CDH13: variants seen among roughly 807,000 people sequenced by gnomAD.
CDH13 encodes cadherin 13.
CDH13 carries 24 observed loss-of-function variants against 63.8 expected under a neutral mutation model. The observed-to-expected ratio is 0.38, with a 90% confidence interval of 0.27 to 0.53. The LOEUF (loss-of-function observed/expected upper bound fraction) is 0.53. CDH13 is among the 20% of genes least tolerant of loss of function. The probability of loss-of-function intolerance (pLI) is 0.85; values close to 1 mark genes in which losing one functional copy is unlikely to be tolerated. For synonymous variants in CDH13, 503 were observed against 355.3 expected (o/e 1.42, Z -4.67); for missense variants, 1,049 against 903.1 (o/e 1.16, Z -2.07).
chr16:83,138,183 T>C (rs375703734), intron 4 of CDH13, among the ~76,000 whole-genome samples: 1 of 152,154 alleles, frequency 6.6e-6, no homozygotes, highest in African/African-American at 2.4e-5. Flanking sequence ...TTGATGCCTC[T>C]TGAGCAGGCA....
intron 3 of CDH13, among the ~76,000 whole-genome samples, chr16:83,091,766 C>G (rs77872890): frequency 0.017 from 2,599 of 152,252 alleles, 75 homozygotes; most frequent in African/African-American, 0.059. Context: ...CATACTATAT[C>G]CCCAGCATCT....
At chr16:82,893,622 G>A (rs9927838) in intron 2 of CDH13, among the ~76,000 whole-genome samples, 1 of 152,208 alleles carries the variant, frequency 6.6e-6, no homozygotes, top group Admixed American at 6.5e-5. Context: ...GGATATGCTT[G>A]CCAGGTCTGG....
chr16:83,733,454 G>A (rs180735079), intron 10 of CDH13, among the ~76,000 whole-genome samples: 15 of 152,252 alleles, frequency 9.9e-5, no homozygotes, highest in South Asian at 2.1e-4. Flanking sequence ...GGGAGGTCCC[G>A]TCATCACCTA....
chr16:82,795,115 A>G (rs2036518949), intron 1 of CDH13, among the ~76,000 whole-genome samples: 1 of 152,180 alleles, frequency 6.6e-6, no homozygotes, highest in South Asian at 2.1e-4. Flanking sequence ...TTCACCAGAT[A>G]GTGTGGGAAG....
At chr16:83,147,312 CT>C (rs1320046100) in intron 4 of CDH13, among the ~76,000 whole-genome samples, 14 of 152,306 alleles carry the variant, frequency 9.2e-5, no homozygotes, top group Admixed American at 7.2e-4. Context: ...GAGGCCTGAC[CT>C]TGCTTTGATT....
At chr16:83,126,717 G>A (rs958976307) in intron 4 of CDH13, among the ~76,000 whole-genome samples, 2 of 152,162 alleles carry the variant, frequency 1.3e-5, no homozygotes, top group African/African-American at 4.8e-5. Flanking sequence ...TGGTGAGCCT[G>A]GAATTCGAAA....
intron 1 of CDH13, among the ~76,000 whole-genome samples, chr16:82,853,813 C>T (rs536615864): frequency 1.2e-4 from 19 of 152,148 alleles, no homozygotes; most frequent in Admixed American, 3.9e-4. Context: ...CTATGATTGC[C>T]GTGGCATTAA....
At chr16:83,654,299 G>C (rs1409641872) in intron 8 of CDH13, among the ~76,000 whole-genome samples, 1 of 151,970 alleles carries the variant, frequency 6.6e-6, no homozygotes, top group Non-Finnish European at 1.5e-5. Context: ...AGCATGTCTG[G>C]GGGAAGGGTC....
intron 6 of CDH13, among the ~76,000 whole-genome samples, chr16:83,468,807 G>T (rs1476031426): frequency 6.6e-6 from 1 of 152,144 alleles, no homozygotes; most frequent in African/African-American, 2.4e-5. Flanking sequence ...AGAATGTGCA[G>T]GTTTCTTACA....
At chr16:83,563,313 G>C (rs1463332372) in intron 7 of CDH13, among the ~76,000 whole-genome samples, 2 of 152,196 alleles carry the variant, frequency 1.3e-5, no homozygotes, top group African/African-American at 4.8e-5. Context: ...ATTTTAAGCA[G>C]TCATGGAACC....
rs555201684 is a variant in CDH13, at chr16:83,505,913, T to G, written c.960+19258T>G. Among the ~76,000 whole-genome samples, 16 of 152,312 alleles carry G rather than the reference T, an allele frequency of 1.1e-4. No individual in the cohort carries two copies. The South Asian group carries it at 3.3e-3, about 32-fold the overall frequency. On this transcript the variant is annotated intron_variant, in intron 7 of 13. Coordinates refer to ENST00000567109, the MANE Select transcript of CDH13 (RefSeq NM_001257.5). ...CCAACATTGCAAACGCATCAGCATG[T>G]TCCTTCCTTCAACATTCCATAACGT...
intron 4 of CDH13, among the ~76,000 whole-genome samples, chr16:83,155,777 T>C (rs1426610079): frequency 1.3e-5 from 2 of 152,082 alleles, no homozygotes; most frequent in East Asian, 1.9e-4. Context: ...ACAGATGATA[T>C]AAATACAGTG....
At chr16:82,759,721 C>T (rs1165507034) in intron 1 of CDH13, among the ~76,000 whole-genome samples, 3 of 151,960 alleles carry the variant, frequency 2.0e-5, no homozygotes, top group Non-Finnish European at 4.4e-5. Flanking sequence ...ATGCAGCACA[C>T]CTCAAAAGAA....
At chr16:82,936,190 A>C (rs903853694) in intron 2 of CDH13, among the ~76,000 whole-genome samples, 2 of 152,152 alleles carry the variant, frequency 1.3e-5, no homozygotes, top group African/African-American at 4.8e-5. Flanking sequence ...CACCTGTGCA[A>C]GTCTCCAGCT....
intron 6 of CDH13, among the ~76,000 whole-genome samples, chr16:83,369,954 C>T (rs1029215422): frequency 1.9e-4 from 29 of 152,206 alleles, no homozygotes; most frequent in African/African-American, 7.0e-4. Context: ...ACTCCCATTC[C>T]CTGCAGCTGG....
intron 1 of CDH13, among the ~76,000 whole-genome samples, chr16:82,835,573 A>G (rs530064151): frequency 4.6e-4 from 70 of 152,250 alleles, no homozygotes; most frequent in African/African-American, 1.5e-3. Context: ...ATCATTTCCA[A>G]TTCCGCTGCT....
chr16:83,023,598 G>T (rs1915541887), intron 2 of CDH13, among the ~76,000 whole-genome samples: 2 of 152,164 alleles, frequency 1.3e-5, no homozygotes, highest in Non-Finnish European at 2.9e-5. Flanking sequence ...CACCCAGGAA[G>T]TTGTCTCTAT....
chr16:83,000,218 A>G (rs1597384492), intron 2 of CDH13, among the ~76,000 whole-genome samples: 1 of 50,182 alleles, frequency 2.0e-5, no homozygotes, highest in Non-Finnish European at 4.0e-5. Flanking sequence ...CCACAGGTTT[A>G]GCTTATTTTT....
chr16:83,048,462 A>C (rs1201704358), intron 3 of CDH13, among the ~76,000 whole-genome samples: 2 of 151,996 alleles, frequency 1.3e-5, no homozygotes, highest in African/African-American at 2.4e-5. Flanking sequence ...GCTACCCTGT[A>C]ATTATTCATC....
Sources: gnomAD v4.1 joint callset for allele counts (sites outside exome capture counted in the v4.1 genomes callset) on GRCh38, gnomAD v4.1.1 for gene constraint, MANE v1.5 for transcripts, NCBI Gene and HGNC (gene_info 2026-07-23, HGNC 2026-07-21) for gene names.